The following OR2F1 variants were observed in gnomAD, a reference collection of about 807,000 sequenced individuals.
OR2F1 encodes olfactory receptor family 2 subfamily F member 1, also known as olfactory receptor 2F1.
For missense variants in OR2F1, 389 were observed against 378.2 expected, an observed-to-expected ratio of 1.03 and a Z score of -0.24; for synonymous variants, 146 against 155.3, an observed-to-expected ratio of 0.94 and a Z score of 0.44.
chr7:143,957,946 G>C (rs2050296340), intron 1 of OR2F1, among the ~76,000 whole-genome samples: 1 of 152,168 alleles, frequency 6.6e-6, no homozygotes, highest in African/African-American at 2.4e-5. Context: ...CTTTCTCTGA[G>C]ATGAGACACT....
At chr7:143,955,373 G>A (rs535007836) in intron 1 of OR2F1, among the ~76,000 whole-genome samples, 17 of 152,156 alleles carry the variant, frequency 1.1e-4, no homozygotes, top group African/African-American at 3.9e-4. Context: ...AAGGATCAGT[G>A]TAAGCTGTTA....
rs765332045 is a variant in OR2F1, at chr7:143,960,786, G to T, written c.816G>T (p.Lys272Asn). ...PHSSPSVLQE[K>N]LFSVFYAILT... The stretch of plus-strand genomic sequence containing the variant: ...CCAGTCCCTCTGTCCTTCAGGAGAA[G>T]TTGTTCTCTGTCTTTTATGCCATTT... Residue 272 changes from lysine (K) to asparagine (N), a missense_variant, in exon 3 of 3, where the codon AAG becomes AAT. Transcript: ENST00000641412. 2 of 1,614,156 alleles carry T rather than the reference G, an allele frequency of 1.2e-6. No individual in the cohort carries two copies. Among genetic ancestry groups the T allele is most frequent in the South Asian group, 2.2e-5 (2 of 91,078 alleles).
rs1236852762 is a variant in OR2F1 at position 143,961,817 on chromosome 7, G to A, written c.*893G>A. 1 of 152,202 alleles carries A rather than the reference G, an allele frequency of 6.6e-6. No individual in the cohort carries two copies. The highest frequency in any genetic ancestry group is 1.5e-5 in the Non-Finnish European group (1 of 68,038). 9.4% of individuals were successfully genotyped at this position (152,202 alleles called of 1,614,324 possible). ...TTTAAGGAAAAACTCTTCAGCCAAA[G>A]TCAATGAAGGGTAAGATAATTTAAT... On this transcript the variant is annotated 3_prime_UTR_variant, in exon 3 of 3. Coordinates refer to ENST00000641412, the MANE Select transcript of OR2F1 (RefSeq NM_012369.3).
chr7:143,960,726 T>C lies in OR2F1; in HGVS notation c.756T>C (p.Tyr252=), dbSNP rs759182821. 1.9e-6 allele frequency: 3 copies of C among 1,613,910 alleles called. No homozygotes were observed. Among genetic ancestry groups the C allele is most frequent in the Middle Eastern group, 1.7e-4 (1 of 6,060 alleles). The change falls in exon 3 of 3, where the codon TAT becomes TAC. Residue 252 remains tyrosine (Y), a synonymous_variant. Coordinates refer to ENST00000641412, the MANE Select transcript of OR2F1 (RefSeq NM_012369.3). ...ACCTCACAGTGGTTGCCCTGTGCTA[T>C]GGTGTGGCCATTTTCACTTACATCC... ...ASHLTVVALC[Y]GVAIFTYIQP...
At chr7:143,959,860 G>C in intron 2 of OR2F1, 88 bp from the exon 3 acceptor site, 4 of 827,730 alleles carry the variant, frequency 4.8e-6, no homozygotes, top group Non-Finnish European at 7.7e-6. Flanking sequence ...TACCTGCCTA[G>C]GGCTGGCTGG....
At chr7:143,958,755 A>G (rs1300443048) in intron 1 of OR2F1, among the ~76,000 whole-genome samples, 198 bp from the exon 2 acceptor site, 1 of 152,110 alleles carries the variant, frequency 6.6e-6, no homozygotes. Context: ...AATTGATGCT[A>G]TAACATTAGT....
At chr7:143,959,225 C>A (rs1212918168) in intron 2 of OR2F1, 117 bp downstream of exon 2, 1 of 152,120 alleles carries the variant, frequency 6.6e-6, no homozygotes, top group Non-Finnish European at 1.5e-5. Context: ...CTACTAAAAT[C>A]CATGATTCTA....
At position 143,961,998 on chromosome 7, in the gene OR2F1, G is replaced by A. The variant is rs980988373; in HGVS notation, c.*1074G>A. 6.6e-6 allele frequency: 1 copy of A among 152,188 alleles called. No homozygotes were observed. The highest frequency in any genetic ancestry group is 1.5e-5 in the Non-Finnish European group (1 of 68,028). The allele number at this position is 152,188 out of a possible 1,614,324, so 9.4% of individuals were successfully genotyped here. On this transcript the variant is annotated 3_prime_UTR_variant, in exon 3 of 3. Coordinates refer to ENST00000641412, the MANE Select transcript of OR2F1 (RefSeq NM_012369.3). Reference sequence around the variant, plus strand: ...TTTGTAAATCTTGTAACCTGGGCTTGTCTGAGAATGGACTTCCCTTTGAAA... The same window carrying A: ...TTTGTAAATCTTGTAACCTGGGCTTATCTGAGAATGGACTTCCCTTTGAAA...
Position 143,960,996 on chromosome 7 carries a change from A to C in OR2F1, c.*72A>C. 8.4e-7 allele frequency: 1 copy of C among 1,191,652 alleles called. No individual in the cohort carries two copies. The highest frequency in any genetic ancestry group is 1.5e-5 in the South Asian group (1 of 68,672). 73.8% of individuals were successfully genotyped at this position (1,191,652 alleles called of 1,614,324 possible). ...ACCCAGCTGAGATCTGACAGGTGTA[A>C]ACTACATTGCCCTGGCAACCAGGAA... On this transcript the variant is annotated 3_prime_UTR_variant, in exon 3 of 3. Coordinates refer to ENST00000641412, the MANE Select transcript of OR2F1 (RefSeq NM_012369.3).
intron 2 of OR2F1, among the ~76,000 whole-genome samples, chr7:143,959,484 C>T (rs1413880827): frequency 6.6e-6 from 1 of 152,148 alleles, no homozygotes; most frequent in Non-Finnish European, 1.5e-5. Flanking sequence ...GTTTCCAGTT[C>T]CAGATTTTTC....
At position 143,962,573 on chromosome 7, in the gene OR2F1, G is replaced by A. The variant is rs539186936; in HGVS notation, c.*1649G>A. 3.3e-5 allele frequency: 5 copies of A among 152,274 alleles called. No individual in the cohort carries two copies. The South Asian group carries it at 6.2e-4, about 19-fold the overall frequency. The allele number at this position is 152,274 out of a possible 1,614,324, so 9.4% of individuals were successfully genotyped here. A position where few individuals can be genotyped will look rare whatever the true frequency, so the allele number is the denominator to read the frequency against. ...GGACCCTTGGATTGAGACCAGAAATGTAAGAACAAGTTATCCAGAAGACAA... is the reference window on the plus strand; with the variant it reads ...GGACCCTTGGATTGAGACCAGAAATATAAGAACAAGTTATCCAGAAGACAA... On this transcript the variant is annotated 3_prime_UTR_variant, in exon 3 of 3. Coordinates refer to ENST00000641412, the MANE Select transcript of OR2F1 (RefSeq NM_012369.3).
intron 1 of OR2F1, among the ~76,000 whole-genome samples, chr7:143,958,192 G>A (rs2050298319): frequency 6.6e-6 from 1 of 152,184 alleles, no homozygotes; most frequent in South Asian, 2.1e-4. Flanking sequence ...TGTTTGCCAA[G>A]TTAATGGAAA....
intron 1 of OR2F1, among the ~76,000 whole-genome samples, chr7:143,956,732 GT>G (rs1464530321): frequency 6.6e-6 from 1 of 152,106 alleles, no homozygotes. Flanking sequence ...TAACTTGGAG[GT>G]TAGAGTGTAG....
intron 2 of OR2F1, 52 bp from the exon 3 acceptor site, chr7:143,959,896 T>C: frequency 2.5e-6 from 3 of 1,216,056 alleles, no homozygotes; most frequent in Admixed American, 4.4e-5. Flanking sequence ...TTCAAACAAG[T>C]AATTCTTATA....
Position 143,960,129 on chromosome 7 carries a change from C to A in OR2F1, c.159C>A (p.Ser53Arg). ...TTGTCCTTCTGATCAGACTGGACAG[C>A]CGACTCCACACTCCCATGTATTTCT... ...CLIVLLIRLD[S>R]RLHTPMYFFL... The change falls in exon 3 of 3, where the codon AGC (serine) becomes AGA (arginine). Residue 53 changes from serine (S) to arginine (R), a missense_variant. By Grantham distance (110) the Ser-to-Arg change is moderately radical (BLOSUM62 -1). Transcript: ENST00000641412. The A allele has an allele frequency of 6.2e-7, 1 of 1,614,146 alleles. No individual in the cohort carries two copies. The highest frequency in any genetic ancestry group is 8.5e-7 in the Non-Finnish European group (1 of 1,180,026).
At position 143,962,574 on chromosome 7, in the gene OR2F1, T is replaced by C. The variant is rs1165433854; in HGVS notation, c.*1650T>C. 1 of 152,084 alleles carries C rather than the reference T, an allele frequency of 6.6e-6. No individual in the cohort carries two copies. The allele number at this position is 152,084 out of a possible 1,614,324, so 9.4% of individuals were successfully genotyped here. On this transcript the variant is annotated 3_prime_UTR_variant, in exon 3 of 3. Transcript: ENST00000641412. ...GACCCTTGGATTGAGACCAGAAATG[T>C]AAGAACAAGTTATCCAGAAGACAAG...
At position 143,960,545 on chromosome 7, in the gene OR2F1, C is replaced by G. The variant is rs559355298; in HGVS notation, c.575C>G (p.Thr192Ser). The part of the protein sequence containing the change: ...LAVVRLACVD[T>S]SSNEVTIMVS... ...GTGGTCAGGCTGGCTTGTGTGGACA[C>G]CTCCTCCAATGAGGTCACCATCATG... is the stretch of plus-strand genomic sequence containing the variant. The change falls in exon 3 of 3, where the codon ACC becomes AGC. Residue 192 changes from threonine (T) to serine (S), a missense_variant. Physicochemically the swap from Thr to Ser is moderately conservative, Grantham distance 58 (BLOSUM62 1). Coordinates refer to ENST00000641412, the MANE Select transcript of OR2F1 (RefSeq NM_012369.3). The G allele has an allele frequency of 1.7e-5, 28 of 1,614,182 alleles. No homozygotes were observed. The highest frequency in any genetic ancestry group is 8.3e-5 in the Admixed American group (5 of 60,030).
rs1740664290 is a variant in OR2F1, at chr7:143,962,048, G to T, written c.*1124G>T. Reference sequence around the variant, plus strand: ...AAGGAGCATAACTGATGTAAAAGGAGAAGACATAATTGAAAAAGTGGAAAG... The same window carrying T: ...AAGGAGCATAACTGATGTAAAAGGATAAGACATAATTGAAAAAGTGGAAAG... On this transcript the variant is annotated 3_prime_UTR_variant, in exon 3 of 3. Transcript: ENST00000641412. 6.6e-6 allele frequency: 1 copy of T among 152,188 alleles called. No individual in the cohort carries two copies. Among genetic ancestry groups the T allele is most frequent in the South Asian group, 2.1e-4 (1 of 4,836 alleles). The allele number at this position is 152,188 out of a possible 1,614,324, so 9.4% of individuals were successfully genotyped here. A position where few individuals can be genotyped will look rare whatever the true frequency, so the allele number is the denominator to read the frequency against.
chr7:143,955,931 C>T (rs898585316), intron 1 of OR2F1, among the ~76,000 whole-genome samples: 10 of 152,142 alleles, frequency 6.6e-5, no homozygotes, highest in Non-Finnish European at 1.5e-5. Flanking sequence ...ACAAAAGTCA[C>T]ACTTGTACAC....
Sources: gnomAD v4.1 joint callset for allele counts (sites outside exome capture counted in the v4.1 genomes callset) on GRCh38, gnomAD v4.1.1 for gene constraint, MANE v1.5 for transcripts, NCBI Gene and HGNC (gene_info 2026-07-23, HGNC 2026-07-21) for gene names.